EIF4ENIF1: variants seen among roughly 807,000 people sequenced by gnomAD.
EIF4ENIF1 encodes the protein eukaryotic translation initiation factor 4E transporter.
A neutral mutation model predicts 110.5 loss-of-function variants in EIF4ENIF1; 23 were observed. The ratio of observed to expected loss-of-function variants is 0.21; its 90% CI spans 0.15 to 0.29. The LOEUF (loss-of-function observed/expected upper bound fraction) is 0.29. Ranked by LOEUF, EIF4ENIF1 falls within the 10% of genes least tolerant of loss-of-function variation. EIF4ENIF1 has a pLI of 1.00. For missense variants in EIF4ENIF1, 1,031 were observed against 1,221.1 expected, an observed-to-expected ratio of 0.84 and a Z score of 2.32; for synonymous variants, 440 against 437.0, an observed-to-expected ratio of 1.01 and a Z score of -0.09.
At chr22:31,461,689 T>G (rs2050999838) in intron 6 of EIF4ENIF1, 1 of 152,348 alleles carries the variant, frequency 6.6e-6, no homozygotes, top group Non-Finnish European at 1.5e-5. Flanking sequence ...CGCCTTGGCC[T>G]CCCAAAGTGC....
At chr22:31,456,275 G>C (rs553974157) in intron 7 of EIF4ENIF1, among the ~76,000 whole-genome samples, 3 of 147,156 alleles carry the variant, frequency 2.0e-5, no homozygotes, top group South Asian at 2.1e-4. Context: ...CCAGGCTGGA[G>C]TGCAGTGGCA....
intron 12 of EIF4ENIF1, 24 bp from the exon 13 acceptor site, chr22:31,448,256 G>T: frequency 6.2e-7 from 1 of 1,611,180 alleles, no homozygotes; most frequent in Non-Finnish European, 8.5e-7. Context: ...TAGTCTCAGT[G>T]AGTACCAAGA....
At chr22:31,492,435 A>C (rs549460644), upstream of EIF4ENIF1, among the ~76,000 whole-genome samples, 1 of 152,344 alleles carries the variant, frequency 6.6e-6, no homozygotes, top group Non-Finnish European at 1.5e-5. Flanking sequence ...TCATGATTTG[A>C]TAGCTGGAAC....
chr22:31,479,084 ATT>A (rs745430447), intron 2 of EIF4ENIF1, among the ~76,000 whole-genome samples: 9 of 144,272 alleles, frequency 6.2e-5, no homozygotes, highest in East Asian at 6.1e-4. Context: ...CTCGAAAGAA[ATT>A]TTTTTTTTTT....
At chr22:31,453,022 C>A (rs1044979517) in intron 10 of EIF4ENIF1, among the ~76,000 whole-genome samples, 1 of 146,162 alleles carries the variant, frequency 6.8e-6, no homozygotes, top group Non-Finnish European at 1.5e-5. Flanking sequence ...AGTTCCCAGG[C>A]AAGCAGGGAA....
upstream of EIF4ENIF1, among the ~76,000 whole-genome samples, chr22:31,491,486 C>A (rs950459871): frequency 1.3e-5 from 2 of 152,012 alleles, no homozygotes; most frequent in Non-Finnish European, 1.5e-5. Context: ...ATCTCCCTTT[C>A]CTCATTTTTC....
Position 31,462,936 on chromosome 22 carries a change from C to T in EIF4ENIF1, c.783G>A (p.Lys261=). 4 of 1,613,574 alleles carry T rather than the reference C, an allele frequency of 2.5e-6. No individual in the cohort carries two copies. Among genetic ancestry groups the T allele is most frequent in the Non-Finnish European group, 2.5e-6 (3 of 1,179,870 alleles). ...CCTCCCAAAGTTTGAACTGACCTTC[C>T]TTCACAGAGGCTGTCCGTCGCCTTG... The part of the protein sequence containing the change: ...KRTRRRTASV[K]EGIVECNGGV... Residue 261 remains lysine (K), a synonymous_variant, in exon 6 of 19, where the codon AAG becomes AAA. Transcript: ENST00000330125.
chr22:31,444,585 C>T (rs760646751), intron 15 of EIF4ENIF1, 21 bp downstream of exon 15: 16 of 1,612,222 alleles, frequency 9.9e-6, no homozygotes, highest in South Asian at 7.7e-5. Flanking sequence ...AAGTCCTTCA[C>T]AGTTACTAAA....
At position 31,450,296 on chromosome 22, in the gene EIF4ENIF1, A is replaced by C; in HGVS notation, c.1577T>G (p.Ile526Ser). The change falls in exon 11 of 19, where the codon ATC (isoleucine) becomes AGC (serine). Residue 526 changes from isoleucine to serine, a missense_variant. Physicochemically the swap from Ile to Ser is moderately radical, Grantham distance 142. Transcript: ENST00000330125. Reference protein sequence around the residue: ...EIPGQPVPKNILQELLGQPVQ... With the variant: ...EIPGQPVPKNSLQELLGQPVQ... ...TATAAGATTGTGAAGTACCTGCAGG[A>C]TGTTCTTAGGGACAGGCTGGCCTGG... is the stretch of plus-strand genomic sequence containing the variant. The C allele has an allele frequency of 6.2e-7, 1 of 1,613,342 alleles. No homozygotes were observed. The highest frequency in any genetic ancestry group is 8.5e-7 in the Non-Finnish European group (1 of 1,179,442).
intron 2 of EIF4ENIF1, among the ~76,000 whole-genome samples, chr22:31,485,173 A>G (rs1198600780): frequency 2.0e-5 from 3 of 152,214 alleles, no homozygotes; most frequent in Non-Finnish European, 4.4e-5. Flanking sequence ...TCCTCTTAAG[A>G]GTAGAAAGTA....
rs185909929 is a variant in EIF4ENIF1, at chr22:31,447,631, T to C, written c.1849-66A>G. On this transcript the variant is annotated intron_variant, in intron 13 of 18. Coordinates refer to ENST00000330125, the MANE Select transcript of EIF4ENIF1 (RefSeq NM_019843.4). ...ACACCACACTTTCTACAAAGGTTTC[T>C]CTTCACTCTTAGAAAGGTATGTTAA... 5,304 of 1,513,324 alleles carry C rather than the reference T, an allele frequency of 3.5e-3. 18 individuals carry two copies. The highest frequency in any genetic ancestry group is 4.3e-3 in the Non-Finnish European group (4,823 of 1,127,824). 93.7% of individuals were successfully genotyped at this position (1,513,324 alleles called of 1,614,324 possible).
chr22:31,446,565 T>C (rs2050486386), intron 14 of EIF4ENIF1, among the ~76,000 whole-genome samples: 1 of 152,186 alleles, frequency 6.6e-6, no homozygotes, highest in Non-Finnish European at 1.5e-5. Flanking sequence ...AAACATTAAG[T>C]ACCGAGTATT....
chr22:31,488,630 T>A lies in EIF4ENIF1; in HGVS notation c.89A>T (p.Tyr30Phe). The A allele has an allele frequency of 6.2e-7, 1 of 1,614,168 alleles. No homozygotes were observed. Among genetic ancestry groups the A allele is most frequent in the South Asian group, 1.1e-5 (1 of 91,082 alleles). Residue 30 changes from tyrosine (Y) to phenylalanine (F), a missense_variant, in exon 2 of 19, where the codon TAT becomes TTT. Physicochemically the swap from Tyr to Phe is conservative, Grantham distance 22. Transcript: ENST00000330125. ...KPPASKCPHRYTKEELLDIKE... is the reference protein window; with the variant it reads ...KPPASKCPHRFTKEELLDIKE... ...ATTAGTGGCAAACCTTACTTTTGTA[T>A]AGCGATGGGGGCATTTGGAGGCAGG...
chr22:31,463,951 C>G lies in EIF4ENIF1; in HGVS notation c.315G>C (p.Val105=), dbSNP rs750526569. The G allele has an allele frequency of 4.3e-6, 7 of 1,612,778 alleles. No individual in the cohort carries two copies. Among genetic ancestry groups the G allele is most frequent in the Non-Finnish European group, 5.9e-6 (7 of 1,179,602 alleles). ...GAACAACATCTAAGTCATCTTCTTTCACACGCTCTCGTGGATCTGGAAGGA... is the reference window on the plus strand; with the variant it reads ...GAACAACATCTAAGTCATCTTCTTTGACACGCTCTCGTGGATCTGGAAGGA... The part of the protein sequence containing the change: ...VRRIVDPRER[V]KEDDLDVVLS... Residue 105 remains valine (V), a synonymous_variant, in exon 5 of 19, where the codon GTG becomes GTC. Coordinates refer to ENST00000330125, the MANE Select transcript of EIF4ENIF1 (RefSeq NM_019843.4).
intron 4 of EIF4ENIF1, among the ~76,000 whole-genome samples, chr22:31,467,967 A>G (rs1277811252): frequency 6.6e-6 from 1 of 152,206 alleles, no homozygotes; most frequent in Non-Finnish European, 1.5e-5. Context: ...ATTCAGAAGC[A>G]CACAGCCTAA....
chr22:31,445,015 C>A (rs184876642), intron 14 of EIF4ENIF1, among the ~76,000 whole-genome samples: 3 of 152,292 alleles, frequency 2.0e-5, no homozygotes, highest in East Asian at 3.9e-4. Flanking sequence ...AATAACAAGG[C>A]ACTGCAGGGA....
chr22:31,467,047 C>CA (rs1259800388), intron 4 of EIF4ENIF1, among the ~76,000 whole-genome samples: 14 of 152,248 alleles, frequency 9.2e-5, no homozygotes, highest in African/African-American at 2.6e-4. Context: ...CATTATTTGC[C>CA]AATAAACACA....
At chr22:31,483,689 G>C (rs5753649) in intron 2 of EIF4ENIF1, among the ~76,000 whole-genome samples, 140,422 of 152,142 alleles carry the variant, frequency 0.92, 64,871 homozygotes, top group East Asian at 0.99. Context: ...AGTTCAGGGA[G>C]CACACTTTGA....
chr22:31,487,325 A>G (rs547851305), intron 2 of EIF4ENIF1, among the ~76,000 whole-genome samples: 1 of 152,332 alleles, frequency 6.6e-6, no homozygotes, highest in East Asian at 1.9e-4. Context: ...TTACACCTGA[A>G]AACATTTCTC....
Sources: allele counts gnomAD v4.1 joint callset (sites outside exome capture counted in the v4.1 genomes callset), GRCh38; gene constraint gnomAD v4.1.1; transcripts MANE v1.5; gene names NCBI Gene and HGNC (gene_info 2026-07-23, HGNC 2026-07-21).